The following PTER variants were observed in gnomAD, a reference collection of about 807,000 sequenced individuals.
The protein encoded by PTER is phosphotriesterase related, also known as N-acetyltaurine hydrolase.
A neutral mutation model predicts 29.6 loss-of-function variants in PTER; 38 were observed. The observed-to-expected ratio is 1.28, with a 90% confidence interval of 0.99 to 1.68. The LOEUF (loss-of-function observed/expected upper bound fraction) is 1.68, where lower values mean the gene tolerates loss of function less well. Among genes scored for constraint, PTER ranks in the 40% most tolerant of loss-of-function variants. The pLI, the probability that PTER is intolerant of heterozygous loss-of-function variation, is 0.00. For synonymous variants in PTER, 172 were observed against 154.5 expected, an observed-to-expected ratio of 1.11 and a Z score of -0.84; for missense variants, 482 against 427.8, an observed-to-expected ratio of 1.13 and a Z score of -1.12.
intron 3 of PTER, among the ~76,000 whole-genome samples, chr10:16,487,689 A>T (rs191894801): frequency 5.9e-4 from 90 of 152,344 alleles, no homozygotes; most frequent in African/African-American, 2.2e-3. Flanking sequence ...TGTTAATTTT[A>T]TGAACAAGTC....
chr10:16,464,371 G>A (rs368244130), intron 1 of PTER, among the ~76,000 whole-genome samples: 1 of 152,120 alleles, frequency 6.6e-6, no homozygotes, highest in Non-Finnish European at 1.5e-5. Flanking sequence ...GGTCATGCTG[G>A]TTTTACTCAA....
At chr10:16,462,801 C>A (rs1834665278) in intron 1 of PTER, among the ~76,000 whole-genome samples, 1 of 151,114 alleles carries the variant, frequency 6.6e-6, no homozygotes, top group Admixed American at 6.6e-5. Flanking sequence ...AAACTCCTGG[C>A]CTCAAGTGAT....
intron 1 of PTER, among the ~76,000 whole-genome samples, chr10:16,458,677 A>G (rs534248728): frequency 6.6e-6 from 1 of 152,302 alleles, no homozygotes; most frequent in South Asian, 2.1e-4. Context: ...TAAGCTTAGA[A>G]GTATCTAGAA....
At chr10:16,484,206 G>A (rs1339702968) in intron 1 of PTER, 131 bp from the exon 2 acceptor site, 10 of 595,084 alleles carry the variant, frequency 1.7e-5, no homozygotes, top group East Asian at 8.7e-5. Flanking sequence ...TTGTGAGATC[G>A]TATCTCTAGT....
intron 1 of PTER, among the ~76,000 whole-genome samples, chr10:16,464,755 C>T (rs1834746487): frequency 6.6e-6 from 1 of 152,216 alleles, no homozygotes; most frequent in Non-Finnish European, 1.5e-5. Flanking sequence ...TGAATGTTGT[C>T]CACACCGATC....
chr10:16,447,207 C>T (rs1490758351), intron 1 of PTER, among the ~76,000 whole-genome samples: 1 of 148,188 alleles, frequency 6.7e-6, no homozygotes, highest in Non-Finnish European at 1.5e-5. Flanking sequence ...CTCAAGCGAT[C>T]CTCCCACCTC....
chr10:16,510,908 G>C (rs1159630161), intron 4 of PTER, 138 bp from the exon 5 acceptor site: 3 of 670,924 alleles, frequency 4.5e-6, no homozygotes, highest in Non-Finnish European at 7.7e-6. Flanking sequence ...TTTATTAAAG[G>C]TCTCTCAGTA....
chr10:16,463,020 C>T (rs557298569), intron 1 of PTER, among the ~76,000 whole-genome samples: 1 of 151,530 alleles, frequency 6.6e-6, no homozygotes, highest in Admixed American at 6.6e-5. Flanking sequence ...GGTGAAACCC[C>T]GTCTGTACTA....
intron 1 of PTER, among the ~76,000 whole-genome samples, chr10:16,473,537 A>AC (rs1455954839): frequency 3.3e-4 from 50 of 150,766 alleles, no homozygotes; most frequent in African/African-American, 1.1e-3. Context: ...AAAAAAAAAA[A>AC]AAAAAAAAAA....
intron 1 of PTER, among the ~76,000 whole-genome samples, chr10:16,444,645 G>A (rs372095670): frequency 2.6e-5 from 4 of 151,860 alleles, no homozygotes; most frequent in African/African-American, 7.3e-5. Context: ...CTCCCACCTC[G>A]GCCTCCCAAA....
intron 1 of PTER, among the ~76,000 whole-genome samples, chr10:16,478,206 G>A (rs1381816708): frequency 3.3e-5 from 5 of 152,126 alleles, no homozygotes; most frequent in Admixed American, 6.5e-5. Flanking sequence ...CAGTTATTCC[G>A]ACAGTGTCTT....
At chr10:16,449,362 G>A (rs1008178654) in intron 1 of PTER, among the ~76,000 whole-genome samples, 1 of 151,396 alleles carries the variant, frequency 6.6e-6, no homozygotes, top group African/African-American at 2.4e-5. Flanking sequence ...TTTCAGACCT[G>A]AGCTAAAACT....
intron 1 of PTER, among the ~76,000 whole-genome samples, chr10:16,476,901 CTTTTTTTTTTT>C (rs1010674988): frequency 1.2e-4 from 12 of 100,368 alleles, no homozygotes; most frequent in Non-Finnish European, 2.1e-4. Flanking sequence ...TCCTAGAATT[CTTTTTTTTTTT>C]TTTTTTTTTT....
chr10:16,447,446 G>A (rs978972223), intron 1 of PTER, among the ~76,000 whole-genome samples: 1 of 152,036 alleles, frequency 6.6e-6, no homozygotes, highest in Non-Finnish European at 1.5e-5. Flanking sequence ...ATTATGTAGT[G>A]ACACCAGTTT....
At chr10:16,514,485 T>C, downstream of PTER, 1 of 1,548,900 alleles carries the variant, frequency 6.5e-7, no homozygotes, top group Non-Finnish European at 8.9e-7. Context: ...GCCATACGAA[T>C]CCAGTGTTCA....
Position 16,486,462 on chromosome 10 carries a change from A to G in PTER, c.543A>G (p.Arg181=). 6.2e-7 allele frequency: 1 copy of G among 1,614,100 alleles called. No individual in the cohort carries two copies. The highest frequency in any genetic ancestry group is 8.5e-7 in the Non-Finnish European group (1 of 1,179,984). ...GCSWPLTESE[R]KVLQATAHAQ... ...CCTGGCCTTTGACTGAGAGTGAAAG[A>G]AAGGTTCTCCAGGCCACAGCTCATG... The change falls in exon 3 of 5, where the codon AGA becomes AGG. Residue 181 remains arginine, a synonymous_variant. Coordinates refer to ENST00000535784, the MANE Select transcript of PTER (RefSeq NM_001261836.2).
At chr10:16,516,310 A>G (rs1208589096), downstream of PTER, among the ~76,000 whole-genome samples, 1 of 152,092 alleles carries the variant, frequency 6.6e-6, no homozygotes, top group Non-Finnish European at 1.5e-5. Flanking sequence ...ACTTCATAAT[A>G]TTTTCTAAAG....
chr10:16,498,766 A>G (rs1836216364), intron 3 of PTER, among the ~76,000 whole-genome samples: 1 of 152,178 alleles, frequency 6.6e-6, no homozygotes, highest in South Asian at 2.1e-4. Flanking sequence ...TCATTTTCCC[A>G]TGGTAATATA....
intron 3 of PTER, among the ~76,000 whole-genome samples, chr10:16,503,906 T>A (rs1403651072): frequency 6.6e-6 from 1 of 152,180 alleles, no homozygotes; most frequent in African/African-American, 2.4e-5. Context: ...AAAAAGCCAA[T>A]AAGACAATGA....
Sources: gnomAD v4.1 joint callset for allele counts (sites outside exome capture counted in the v4.1 genomes callset) on GRCh38, gnomAD v4.1.1 for gene constraint, MANE v1.5 for transcripts, NCBI Gene and HGNC (gene_info 2026-07-23, HGNC 2026-07-21) for gene names.